Variants in TEK observed in about 807,000 individuals in gnomAD.
TEK encodes the protein angiopoietin-1 receptor.
Under a neutral mutation model 131.8 loss-of-function variants are expected in TEK, and 43 were observed. The ratio of observed to expected loss-of-function variants is 0.33; its 90% CI spans 0.26 to 0.42. The LOEUF (loss-of-function observed/expected upper bound fraction) is 0.42, where lower values mean the gene tolerates loss of function less well. TEK is among the 10% of genes least tolerant of loss of function. The pLI is 1.00. For synonymous variants in TEK, 580 were observed against 491.6 expected, an observed-to-expected ratio of 1.18 and a Z score of -2.38; for missense variants, 1,162 against 1,384.4, an observed-to-expected ratio of 0.84 and a Z score of 2.55.
At chr9:27,198,536 A>G (rs1825107407) in intron 12 of TEK, 2 of 152,228 alleles carry the variant, frequency 1.3e-5, no homozygotes, top group Non-Finnish European at 2.9e-5. Flanking sequence ...AATTCTTCAT[A>G]TATAATGTTT....
At chr9:27,191,245 G>A (rs1246693382) in intron 10 of TEK, among the ~76,000 whole-genome samples, 1 of 151,946 alleles carries the variant, frequency 6.6e-6, no homozygotes, top group Non-Finnish European at 1.5e-5. Flanking sequence ...GGGAGGACAA[G>A]GACAGGCAAA....
At chr9:27,158,725 T>C (rs1222587977) in intron 2 of TEK, among the ~76,000 whole-genome samples, 1 of 151,496 alleles carries the variant, frequency 6.6e-6, no homozygotes, top group East Asian at 1.9e-4. Context: ...AGTGGCATGA[T>C]TTTGGCTCAC....
chr9:27,215,526 T>C (rs1398714521), intron 18 of TEK, among the ~76,000 whole-genome samples: 3 of 151,742 alleles, frequency 2.0e-5, no homozygotes, highest in Non-Finnish European at 4.4e-5. Flanking sequence ...GATATTCTGA[T>C]TCAATTGGTC....
chr9:27,225,668 T>C (rs926285573), intron 21 of TEK, among the ~76,000 whole-genome samples: 1 of 152,150 alleles, frequency 6.6e-6, no homozygotes, highest in African/African-American at 2.4e-5. Flanking sequence ...ATTCAGGACA[T>C]AGGCATGGGC....
At chr9:27,113,625 T>C (rs1281580567) in intron 1 of TEK, among the ~76,000 whole-genome samples, 1 of 152,066 alleles carries the variant, frequency 6.6e-6, no homozygotes, top group Non-Finnish European at 1.5e-5. Context: ...ATGAAGCTAG[T>C]ATAATCAAAA....
chr9:27,109,688 GAGTT>G (rs779031504), intron 1 of TEK, 46 bp downstream of exon 1: 62 of 1,599,746 alleles, frequency 3.9e-5, no homozygotes, highest in African/African-American at 5.4e-5. Flanking sequence ...TTAAAAAACA[GAGTT>G]AGTGATTTCT....
chr9:27,218,719 G>GA (rs1825924093), intron 19 of TEK, 58 bp from the exon 20 acceptor site: 1 of 1,604,906 alleles, frequency 6.2e-7, no homozygotes, highest in African/African-American at 1.3e-5. Context: ...TTTGGGGCCG[G>GA]AAAATGAGCG....
chr9:27,196,459 G>C (rs1022593590), intron 11 of TEK, among the ~76,000 whole-genome samples: 1 of 152,124 alleles, frequency 6.6e-6, no homozygotes, highest in East Asian at 1.9e-4. Context: ...TAGAAGCCAA[G>C]GTTACTCTTA....
At chr9:27,172,239 C>T (rs1191998565) in intron 4 of TEK, among the ~76,000 whole-genome samples, 3 of 152,144 alleles carry the variant, frequency 2.0e-5, no homozygotes, top group African/African-American at 4.8e-5. Context: ...TGTAACCATA[C>T]CTGCAGCTCC....
Position 27,147,179 on chromosome 9 carries a change from C to G in TEK, c.53-10652C>G, listed in dbSNP as rs572677016. Among the ~76,000 whole-genome samples the G allele has an allele frequency of 1.2e-4, 19 of 152,274 alleles. No homozygotes were observed. In the South Asian group the frequency reaches 3.9e-3, roughly 32 times the overall value. On this transcript the variant is annotated intron_variant, in intron 1 of 22. Coordinates refer to ENST00000380036, the MANE Select transcript of TEK (RefSeq NM_000459.5). ...CTATACCACCCATTTTAAATTACTTCCATCAATGGATGAGAATTGCAGTTC... is the reference window on the plus strand; with the variant it reads ...CTATACCACCCATTTTAAATTACTTGCATCAATGGATGAGAATTGCAGTTC...
chr9:27,216,982 A>C (rs892703320), intron 18 of TEK, among the ~76,000 whole-genome samples: 1 of 152,196 alleles, frequency 6.6e-6, no homozygotes, highest in Non-Finnish European at 1.5e-5. Flanking sequence ...ATAAAACTTT[A>C]AAGTCAAGCT....
chr9:27,224,394 C>CA (rs796413354), intron 21 of TEK, among the ~76,000 whole-genome samples: 1 of 152,122 alleles, frequency 6.6e-6, no homozygotes, highest in South Asian at 2.1e-4. Context: ...AGCAGCACAT[C>CA]AAAAAGCTTA....
chr9:27,208,911 T>C (rs1825500407), intron 15 of TEK, among the ~76,000 whole-genome samples: 1 of 152,196 alleles, frequency 6.6e-6, no homozygotes, highest in Admixed American at 6.5e-5. Context: ...CAAAACATCT[T>C]ACCATGCACA....
At chr9:27,228,474 T>G (rs542546640) in intron 22 of TEK, among the ~76,000 whole-genome samples, 169 bp downstream of exon 22, 1 of 152,118 alleles carries the variant, frequency 6.6e-6, no homozygotes, top group East Asian at 1.9e-4. Context: ...AGTTACAATT[T>G]TGGGGGGAAA....
At chr9:27,224,254 A>G (rs1826214480) in intron 21 of TEK, among the ~76,000 whole-genome samples, 1 of 152,210 alleles carries the variant, frequency 6.6e-6, no homozygotes, top group Non-Finnish European at 1.5e-5. Flanking sequence ...TTCCTAACTC[A>G]TTTTATGAGG....
In TEK at chr9:27,189,258, A is replaced by G. The variant is rs1436994811; in HGVS notation, c.1328-1271A>G. Reference sequence around the variant, plus strand: ...AACAAACTACACAGTCTTTGCCCTAATGGAATTTAGAGTGTAGTGTGGTGT... The same window carrying G: ...AACAAACTACACAGTCTTTGCCCTAGTGGAATTTAGAGTGTAGTGTGGTGT... On this transcript the variant is annotated intron_variant, in intron 9 of 22. Coordinates refer to ENST00000380036, the MANE Select transcript of TEK (RefSeq NM_000459.5). 2.6e-5 allele frequency among the ~76,000 whole-genome samples: 4 copies of G among 152,186 alleles called. No homozygotes were observed. The East Asian group carries it at 5.8e-4, about 22-fold the overall frequency.
chr9:27,186,609 C>A (rs780556804), intron 9 of TEK, among the ~76,000 whole-genome samples: 29 of 152,172 alleles, frequency 1.9e-4, no homozygotes, highest in Non-Finnish European at 3.8e-4. Flanking sequence ...ATTGTAAGCA[C>A]AAATCTTAGT....
At chr9:27,217,079 G>T (rs1185915010) in intron 18 of TEK, among the ~76,000 whole-genome samples, 1 of 152,138 alleles carries the variant, frequency 6.6e-6, no homozygotes, top group Non-Finnish European at 1.5e-5. Flanking sequence ...TCAGGACCAG[G>T]CATCGAAAGG....
intron 1 of TEK, among the ~76,000 whole-genome samples, chr9:27,128,457 C>T (rs556336557): frequency 7.2e-5 from 11 of 152,142 alleles, no homozygotes; most frequent in East Asian, 5.8e-4. Context: ...CTTGGCTATG[C>T]GGGCTCTTTT....
Sources: allele counts gnomAD v4.1 joint callset (sites outside exome capture counted in the v4.1 genomes callset), GRCh38; gene constraint gnomAD v4.1.1; transcripts MANE v1.5; gene names NCBI Gene and HGNC (gene_info 2026-07-23, HGNC 2026-07-21).